PMP22: variants seen among roughly 807,000 people sequenced by gnomAD.
PMP22 encodes peripheral myelin protein 22.
In PMP22, 2 loss-of-function variants were observed where a neutral mutation model predicts 18.9. The observed-to-expected ratio is 0.11, with a 90% CI of 0.04 to 0.33. The LOEUF (loss-of-function observed/expected upper bound fraction) is 0.33. PMP22 is among the 10% of genes least tolerant of loss of function. The pLI is 1.00. For synonymous variants in PMP22, 95 were observed against 89.2 expected (o/e 1.07, Z -0.37); for missense variants, 169 against 202.2 (o/e 0.84, Z 1.00).
intron 1 of PMP22, among the ~76,000 whole-genome samples, chr17:15,262,991 G>A (rs1272772193): frequency 6.6e-6 from 1 of 152,202 alleles, no homozygotes; most frequent in Non-Finnish European, 1.5e-5. Context: ...GCGGGCGCTT[G>A]AGCGCTGGAA....
intron 3 of PMP22, among the ~76,000 whole-genome samples, chr17:15,246,646 T>C (rs1907843374): frequency 6.6e-6 from 1 of 152,244 alleles, no homozygotes; most frequent in South Asian, 2.1e-4. Flanking sequence ...GTAGAACTTA[T>C]GTTGAGTACC....
intron 3 of PMP22, among the ~76,000 whole-genome samples, chr17:15,249,777 T>C (rs1193718500): frequency 6.6e-6 from 1 of 152,138 alleles, no homozygotes; most frequent in Non-Finnish European, 1.5e-5. Context: ...CCTGCAGTCA[T>C]TGTCCAGGAG....
intron 1 of PMP22, chr17:15,262,562 C>A (rs958215755): frequency 6.6e-6 from 1 of 152,204 alleles, no homozygotes; most frequent in Non-Finnish European, 1.5e-5. Context: ...CAGTGGGAGG[C>A]TCCTGGCGTT....
chr17:15,241,384 C>T (rs1354013520), intron 3 of PMP22, among the ~76,000 whole-genome samples: 1 of 152,112 alleles, frequency 6.6e-6, no homozygotes, highest in Non-Finnish European at 1.5e-5. Context: ...GTAGATGCAG[C>T]TGGAATTACA....
At chr17:15,248,700 C>A (rs1311365259) in intron 3 of PMP22, among the ~76,000 whole-genome samples, 1 of 152,026 alleles carries the variant, frequency 6.6e-6, no homozygotes, top group Non-Finnish European at 1.5e-5. Context: ...CCACCAGATA[C>A]AAAAGAAAAA....
At chr17:15,264,637 C>T (rs764539398) in intron 1 of PMP22, among the ~76,000 whole-genome samples, 1 of 152,220 alleles carries the variant, frequency 6.6e-6, no homozygotes, top group Non-Finnish European at 1.5e-5. Context: ...AATAACCACC[C>T]AGGTCACAGC....
At chr17:15,263,587 A>G (rs1035304484) in intron 1 of PMP22, among the ~76,000 whole-genome samples, 1 of 148,862 alleles carries the variant, frequency 6.7e-6, no homozygotes, top group Non-Finnish European at 1.5e-5. Flanking sequence ...GCGCGCGCAC[A>G]CACACACACA....
chr17:15,239,917 T>C (rs568388264), intron 3 of PMP22, among the ~76,000 whole-genome samples: 8 of 152,356 alleles, frequency 5.3e-5, no homozygotes, highest in South Asian at 2.1e-4. Context: ...TATACCTATA[T>C]GTACAAATAT....
intron 3 of PMP22, among the ~76,000 whole-genome samples, chr17:15,253,745 T>G (rs913881850): frequency 6.6e-6 from 1 of 152,130 alleles, no homozygotes; most frequent in Non-Finnish European, 1.5e-5. Context: ...CACTTGACGG[T>G]CCTTCTGTAT....
intron 3 of PMP22, among the ~76,000 whole-genome samples, chr17:15,249,488 T>C (rs1044651898): frequency 2.0e-5 from 3 of 152,218 alleles, no homozygotes; most frequent in Non-Finnish European, 4.4e-5. Flanking sequence ...TGCAATCTAA[T>C]GAATTAAATT....
At chr17:15,255,729 T>C (rs942787934) in intron 3 of PMP22, among the ~76,000 whole-genome samples, 1 of 152,146 alleles carries the variant, frequency 6.6e-6, no homozygotes, top group Non-Finnish European at 1.5e-5. Flanking sequence ...ACAGGGAATA[T>C]TCTCCTCCCC....
At chr17:15,251,772 G>T (rs1908373536) in intron 3 of PMP22, 1 of 152,072 alleles carries the variant, frequency 6.6e-6, no homozygotes, top group African/African-American at 2.4e-5. Context: ...ACAACCTCAG[G>T]CTGCACCATG....
chr17:15,247,356 G>A (rs1330805683), intron 3 of PMP22, among the ~76,000 whole-genome samples: 1 of 152,158 alleles, frequency 6.6e-6, no homozygotes, highest in Non-Finnish European at 1.5e-5. Context: ...GCGACAGAGC[G>A]AGACTGTCTC....
At chr17:15,262,452 A>T (rs1909413680) in intron 1 of PMP22, 1 of 152,186 alleles carries the variant, frequency 6.6e-6, no homozygotes, top group South Asian at 2.1e-4. Flanking sequence ...AGCTGTCCCG[A>T]TCCTCAGGGT....
intron 4 of PMP22, 89 bp from the exon 5 acceptor site, chr17:15,231,169 G>T: frequency 7.6e-7 from 1 of 1,308,610 alleles, no homozygotes; most frequent in Non-Finnish European, 1.1e-6. Context: ...CAATTGCTGG[G>T]TAGGAAGAAC....
chr17:15,259,322 G>A, intron 2 of PMP22, 129 bp from the exon 3 acceptor site: 1 of 737,380 alleles, frequency 1.4e-6, no homozygotes, highest in South Asian at 1.5e-5. Context: ...ACCCCTGCAT[G>A]GTAAGAGCCA....
At chr17:15,246,711 A>G (rs1234895688) in intron 3 of PMP22, among the ~76,000 whole-genome samples, 1 of 152,224 alleles carries the variant, frequency 6.6e-6, no homozygotes, top group African/African-American at 2.4e-5. Context: ...CCTGCTAAAC[A>G]TTTGTGGAGT....
intron 3 of PMP22, among the ~76,000 whole-genome samples, chr17:15,251,077 C>T (rs956104583): frequency 2.6e-5 from 4 of 152,184 alleles, no homozygotes; most frequent in Non-Finnish European, 5.9e-5. Context: ...TGCTCCCATC[C>T]CTCTCTCCCG....
chr17:15,255,534 C>A (rs1002572774), intron 3 of PMP22, among the ~76,000 whole-genome samples: 23 of 152,088 alleles, frequency 1.5e-4, no homozygotes, highest in African/African-American at 5.1e-4. Context: ...TTTCATGGAA[C>A]CTCCATACCT....
Sources: allele counts gnomAD v4.1 joint callset (sites outside exome capture counted in the v4.1 genomes callset), GRCh38; gene constraint gnomAD v4.1.1; transcripts MANE v1.5; gene names NCBI Gene and HGNC (gene_info 2026-07-23, HGNC 2026-07-21).